CAPN11: variants seen among roughly 807,000 people sequenced by gnomAD.
CAPN11 encodes the protein calpain-11.
CAPN11 carries 108 observed loss-of-function variants against 105.3 expected under a neutral mutation model. That is an observed-to-expected ratio of 1.03 (90% CI 0.88 to 1.20). The LOEUF (loss-of-function observed/expected upper bound fraction) is 1.20, where lower values mean the gene tolerates loss of function less well. Ranked by LOEUF, CAPN11 falls within the 50% of genes most tolerant of loss-of-function variation. The pLI is 0.00. For synonymous variants in CAPN11, 329 were observed against 344.5 expected (o/e 0.96, Z 0.50); for missense variants, 883 against 924.8 (o/e 0.95, Z 0.59).
Position 44,172,675 on chromosome 6 carries a change from G to A in CAPN11, c.528+255G>A, listed in dbSNP as rs183410962. Among the ~76,000 whole-genome samples, 25 of 152,312 alleles carry A rather than the reference G, an allele frequency of 1.6e-4. 1 individual carries two copies. Among genetic ancestry groups the A allele is most frequent in the Middle Eastern group, 3.4e-3 (1 of 294 alleles). ...CTTCCTCTCCACTGTGTGTGTGGGT[G>A]TGTGTGACACTGGTAGTCTCTGTCA... On this transcript the variant is annotated intron_variant, in intron 5 of 22. Transcript: ENST00000398776.
At chr6:44,164,571 C>T (rs953094526) in intron 1 of CAPN11, among the ~76,000 whole-genome samples, 5 of 152,144 alleles carry the variant, frequency 3.3e-5, no homozygotes, top group Admixed American at 6.5e-5. Context: ...AGGATGCTAG[C>T]GCAGCCCCAA....
At chr6:44,181,426 A>G in intron 19 of CAPN11, 106 bp downstream of exon 19, 2 of 808,054 alleles carry the variant, frequency 2.5e-6, no homozygotes, top group South Asian at 3.1e-5. Flanking sequence ...CCACACACAC[A>G]CACACACCCA....
At chr6:44,166,524 G>T (rs1158151199) in intron 1 of CAPN11, among the ~76,000 whole-genome samples, 2 of 152,154 alleles carry the variant, frequency 1.3e-5, no homozygotes, top group Non-Finnish European at 2.9e-5. Flanking sequence ...TCACTCAGGG[G>T]AGGAGGACTA....
At chr6:44,169,037 C>A in intron 2 of CAPN11, 1 of 538,458 alleles carries the variant, frequency 1.9e-6, no homozygotes, top group Non-Finnish European at 3.5e-6. Context: ...CTCAGGTGAT[C>A]CTCCCATTTC....
At chr6:44,181,065 C>G in intron 18 of CAPN11, 68 bp downstream of exon 18, 1 of 1,403,930 alleles carries the variant, frequency 7.1e-7, no homozygotes, top group South Asian at 1.2e-5. Context: ...AGATGGCCAC[C>G]CTGGGCCAGC....
In CAPN11 at chr6:44,183,162, G is replaced by A. The variant is rs781232424; in HGVS notation, c.2061G>A (p.Arg687=). The change falls in exon 21 of 23, where the codon AGG becomes AGA. Residue 687 remains arginine, a synonymous_variant. Coordinates refer to ENST00000398776, the MANE Select transcript of CAPN11 (RefSeq NM_007058.4). ...NNKVMQVLVA[R]YADDDLIIDF... The stretch of plus-strand genomic sequence containing the variant: ...AGGTAATGCAGGTCCTGGTGGCCAG[G>A]TATGCAGATGATGACCTGATCATAG... The A allele has an allele frequency of 6.8e-6, 11 of 1,613,760 alleles. No individual in the cohort carries two copies. In the Admixed American group the frequency reaches 1.7e-4, roughly 24 times the overall value.
chr6:44,177,021 G>C (rs1772162913), intron 11 of CAPN11, 23 bp downstream of exon 11: 6 of 1,608,156 alleles, frequency 3.7e-6, no homozygotes, highest in African/African-American at 2.7e-5. Flanking sequence ...TGAGAGGGGA[G>C]GGGGTGTGCA....
At chr6:44,168,500 C>A (rs960109401) in intron 2 of CAPN11, among the ~76,000 whole-genome samples, 2 of 151,980 alleles carry the variant, frequency 1.3e-5, no homozygotes, top group Admixed American at 6.5e-5. Context: ...GAACTCCTGA[C>A]CTTGTGATCC....
intron 18 of CAPN11, 59 bp downstream of exon 18, chr6:44,181,056 G>A (rs1773054299): frequency 2.0e-6 from 3 of 1,509,232 alleles, no homozygotes; most frequent in Non-Finnish European, 1.8e-6. Context: ...CTGGCCCAGA[G>A]ATGGCCACCC....
At chr6:44,182,771 G>A (rs1774003175) in intron 19 of CAPN11, among the ~76,000 whole-genome samples, 170 bp from the exon 20 acceptor site, 1 of 152,038 alleles carries the variant, frequency 6.6e-6, no homozygotes, top group African/African-American at 2.4e-5. Context: ...ACGGGGTTTC[G>A]TCATGTTGGC....
chr6:44,172,001 G>C (rs965083080), intron 4 of CAPN11, among the ~76,000 whole-genome samples: 1 of 152,216 alleles, frequency 6.6e-6, no homozygotes, highest in Non-Finnish European at 1.5e-5. Flanking sequence ...AGGAGGCAGA[G>C]GTTGCGGTGA....
At chr6:44,179,581 C>T (rs753467078) in intron 12 of CAPN11, 38 bp from the exon 13 acceptor site, 1 of 1,605,920 alleles carries the variant, frequency 6.2e-7, no homozygotes, top group Non-Finnish European at 8.5e-7. Flanking sequence ...CCCTTCACCA[C>T]CCTAGAGATC....
In CAPN11 at chr6:44,182,923, ATCTG is replaced by A. The variant is rs753818695; in HGVS notation, c.1939-10_1939-7del. 165 of 1,585,312 alleles carry A rather than the reference ATCTG, an allele frequency of 1.0e-4. No individual in the cohort carries two copies. Among genetic ancestry groups the A allele is most frequent in the Non-Finnish European group, 1.3e-4 (152 of 1,159,718 alleles). The stretch of plus-strand genomic sequence containing the variant: ...CATGCCATGCATGTGGCCCTACCAT[ATCTG>A]TCTGTCTCTTCAGGACATCTTCAGA... On this transcript the variant is annotated splice_polypyrimidine_tract_variant and intron_variant, in intron 19 of 22. Coordinates refer to ENST00000398776, the MANE Select transcript of CAPN11 (RefSeq NM_007058.4).
intron 5 of CAPN11, 115 bp from the exon 6 acceptor site, chr6:44,172,825 A>G: frequency 8.2e-7 from 1 of 1,212,644 alleles, no homozygotes; most frequent in African/African-American, 1.5e-5. Context: ...TTCCCTCTCT[A>G]TTCAGTGATT....
Position 44,179,969 on chromosome 6 carries a change from T to A in CAPN11, c.1446T>A (p.Asp482Glu). Residue 482 changes from aspartate (D) to glutamate (E), a missense_variant, in exon 14 of 23, where the codon GAT becomes GAA. Coordinates refer to ENST00000398776, the MANE Select transcript of CAPN11 (RefSeq NM_007058.4). ...GCATATAGTTTCAGAACATTCAGGA[T>A]GTCCACTTGAAGAAGGAATTCTTCA... ...AVPKEFQNIQ[D>E]VHLKKEFFTK... The A allele has an allele frequency of 6.2e-7, 1 of 1,613,166 alleles. No homozygotes were observed. Among genetic ancestry groups the A allele is most frequent in the Non-Finnish European group, 8.5e-7 (1 of 1,179,148 alleles).
intron 1 of CAPN11, 58 bp downstream of exon 1, chr6:44,158,922 C>T (rs1171358099): frequency 1.4e-6 from 2 of 1,464,960 alleles, no homozygotes; most frequent in Non-Finnish European, 1.9e-6. Flanking sequence ...AGAGCCTCCC[C>T]CCAGGGGAGG....
intron 1 of CAPN11, among the ~76,000 whole-genome samples, chr6:44,165,760 C>G (rs1769714033): frequency 6.6e-6 from 1 of 152,106 alleles, no homozygotes; most frequent in South Asian, 2.1e-4. Context: ...GAGTAGTGGG[C>G]CCAGGGCTGG....
intron 3 of CAPN11, 128 bp from the exon 4 acceptor site, chr6:44,169,778 A>G (rs1322654221): frequency 7.2e-6 from 6 of 835,096 alleles, no homozygotes; most frequent in African/African-American, 1.7e-5. Flanking sequence ...TTGGTCCTGT[A>G]CCCTCTCCCT....
At chr6:44,176,776 A>C in intron 10 of CAPN11, 62 bp from the exon 11 acceptor site, 1 of 1,596,650 alleles carries the variant, frequency 6.3e-7, no homozygotes, top group Non-Finnish European at 8.6e-7. Context: ...GGGGTGGTTC[A>C]GGGAGAGGGA....
Sources: allele counts gnomAD v4.1 joint callset (sites outside exome capture counted in the v4.1 genomes callset), GRCh38; gene constraint gnomAD v4.1.1; transcripts MANE v1.5; gene names NCBI Gene and HGNC (gene_info 2026-07-23, HGNC 2026-07-21).